NEURL1B: variants seen among roughly 807,000 people sequenced by gnomAD.
NEURL1B encodes the protein neuralized E3 ubiquitin protein ligase 1B, also known as E3 ubiquitin-protein ligase NEURL1B.
Under a neutral mutation model 37.4 loss-of-function variants are expected in NEURL1B, and 13 were observed. That is an observed-to-expected ratio of 0.35 (90% confidence interval 0.23 to 0.55). The LOEUF is 0.55. Ranked by LOEUF, NEURL1B falls within the 20% of genes least tolerant of loss-of-function variation. The probability of loss-of-function intolerance (pLI) is 0.89; values close to 1 mark genes in which losing one functional copy is unlikely to be tolerated. For synonymous variants in NEURL1B, 432 were observed against 426.6 expected, an observed-to-expected ratio of 1.01 and a Z score of -0.16; for missense variants, 790 against 879.2, an observed-to-expected ratio of 0.90 and a Z score of 1.28.
At position 172,683,775 on chromosome 5, in the gene NEURL1B, T is replaced by C. The variant is rs1436650670; in HGVS notation, c.934T>C (p.Phe312Leu). The change falls in exon 3 of 5, where the codon TTC (phenylalanine) becomes CTC (leucine). Residue 312 changes from phenylalanine (F) to leucine (L), a missense_variant. Transcript: ENST00000369800. The surrounding 1 kb of genome is among the most constrained non-coding windows in gnomAD (Gnocchi z 5.6). ...GCCCGACGGCGGCCGCACGCTGGTCTTCTCCGAGCGCCCGCTGCGGCCCGG... is the reference window on the plus strand; with the variant it reads ...GCCCGACGGCGGCCGCACGCTGGTCCTCTCCGAGCGCCCGCTGCGGCCCGG... Reference protein sequence around the residue: ...PRPDGGRTLVFSERPLRPGES... With the variant: ...PRPDGGRTLVLSERPLRPGES... 2.3e-6 allele frequency: 3 copies of C among 1,302,912 alleles called. No individual in the cohort carries two copies. The highest frequency in any genetic ancestry group is 2.9e-6 in the Non-Finnish European group (3 of 1,022,030). The allele number at this position is 1,302,912 out of a possible 1,614,324, so 80.7% of individuals were successfully genotyped here.
chr5:172,667,275 T>TAAAAAAAAAAAAAAAAAAAAAAAAAAAAA (rs55663413), intron 1 of NEURL1B, among the ~76,000 whole-genome samples: 9 of 72,282 alleles, frequency 1.2e-4, no homozygotes, highest in Admixed American at 1.6e-4. Context: ...CTGTCTCTAC[T>TAAAAAAAAAAAAAAAAAAAAAAAAAAAAA]AAAAAAAAAA....
intron 1 of NEURL1B, among the ~76,000 whole-genome samples, chr5:172,664,855 C>G (rs1013824629): frequency 2.0e-5 from 3 of 152,224 alleles, no homozygotes; most frequent in Non-Finnish European, 4.4e-5. Context: ...CTGTTTATCT[C>G]TTATTCCCTG....
rs1171920109 is a variant in NEURL1B, at chr5:172,657,429, A to G, written c.32-12356A>G. 6.6e-6 allele frequency among the ~76,000 whole-genome samples: 1 copy of G among 152,264 alleles called. No individual in the cohort carries two copies. The highest frequency in any genetic ancestry group is 1.9e-4 in the East Asian group (1 of 5,206). On this transcript the variant is annotated intron_variant, in intron 1 of 4. Coordinates refer to ENST00000369800, the MANE Select transcript of NEURL1B (RefSeq NM_001142651.3). This position sits in a 1 kb window ranked among gnomAD's most constrained non-coding sequence, Gnocchi z 4.0. ...TAAGAATAGTCATAATACAAATTAG[A>G]TATAGAGATGATCATGGACAATTAT... is the stretch of plus-strand genomic sequence containing the variant.
intron 1 of NEURL1B, among the ~76,000 whole-genome samples, chr5:172,650,779 G>A (rs1048345010): frequency 4.6e-5 from 7 of 152,236 alleles, no homozygotes; most frequent in Non-Finnish European, 8.8e-5. Flanking sequence ...CCTGACGCAC[G>A]TGACCCCTGC....
At chr5:172,645,644 CT>C (rs1360628487) in intron 1 of NEURL1B, among the ~76,000 whole-genome samples, 5 of 152,218 alleles carry the variant, frequency 3.3e-5, no homozygotes, top group African/African-American at 1.2e-4. Context: ...TTCACGTTCA[CT>C]TGGGCTTTAC....
Position 172,669,770 on chromosome 5 carries a change from T to G in NEURL1B, c.32-15T>G. 1 of 1,251,758 alleles carries G rather than the reference T, an allele frequency of 8.0e-7. No individual in the cohort carries two copies. Among genetic ancestry groups the G allele is most frequent in the Non-Finnish European group, 1.0e-6 (1 of 988,996 alleles). 77.5% of individuals were successfully genotyped at this position (1,251,758 alleles called of 1,614,324 possible). A position where few individuals can be genotyped will look rare whatever the true frequency, so the allele number is the denominator to read the frequency against. ...TCGGAGGAGGCCTAACCGTGCTGCC[T>G]GTGTCTTTCCGCAGACCCGAGCCCA... On this transcript the variant is annotated splice_polypyrimidine_tract_variant and intron_variant, in intron 1 of 4. Transcript: ENST00000369800.
At chr5:172,679,930 C>T (rs1758316683) in intron 2 of NEURL1B, among the ~76,000 whole-genome samples, 1 of 152,160 alleles carries the variant, frequency 6.6e-6, no homozygotes, top group Non-Finnish European at 1.5e-5. Flanking sequence ...CAGAGTTCCC[C>T]CACTGACACT....
At chr5:172,650,947 A>G (rs1000732579) in intron 1 of NEURL1B, among the ~76,000 whole-genome samples, 7 of 152,170 alleles carry the variant, frequency 4.6e-5, no homozygotes, top group African/African-American at 1.7e-4. Flanking sequence ...GCAGGTGATC[A>G]GAATGATGGA....
chr5:172,669,693 A>G (rs1482397586), intron 1 of NEURL1B, 92 bp from the exon 2 acceptor site: 2 of 991,028 alleles, frequency 2.0e-6, no homozygotes, highest in Non-Finnish European at 2.6e-6. Context: ...TTAAAATGGA[A>G]TTTCAAATGA....
chr5:172,684,837 G>A (rs939428933), intron 3 of NEURL1B, among the ~76,000 whole-genome samples: 4 of 152,152 alleles, frequency 2.6e-5, no homozygotes, highest in Non-Finnish European at 5.9e-5. Flanking sequence ...CTACAGCCGG[G>A]GGCTCCTCTC....
Position 172,684,066 on chromosome 5 carries a change from G to A in NEURL1B, c.1225G>A (p.Val409Ile), listed in dbSNP as rs1291435303. Residue 409 changes from valine to isoleucine, a missense_variant, in exon 3 of 5, where the codon GTC becomes ATC. By Grantham distance (29) the Val-to-Ile change is conservative. This residue lies in a region of NEURL1B where 460 missense variants were observed against 407.4 expected (regional missense o/e 1.13). Transcript: ENST00000369800. Reference sequence around the variant, plus strand: ...GCGTCCGCGCGGCCGCCTGCTGTGCGTCGACACCACGCAGGCGCTCTGGGC... The same window carrying A: ...GCGTCCGCGCGGCCGCCTGCTGTGCATCGACACCACGCAGGCGCTCTGGGC... ...NGRPRGRLLC[V>I]DTTQALWAFF... The A allele has an allele frequency of 7.6e-7, 1 of 1,322,990 alleles. No homozygotes were observed. The highest frequency in any genetic ancestry group is 9.7e-7 in the Non-Finnish European group (1 of 1,035,526). 82.0% of individuals were successfully genotyped at this position (1,322,990 alleles called of 1,614,324 possible).
At chr5:172,677,369 C>T (rs928555083) in intron 2 of NEURL1B, among the ~76,000 whole-genome samples, 1 of 152,234 alleles carries the variant, frequency 6.6e-6, no homozygotes, top group South Asian at 2.1e-4. Context: ...TATGCAGGCA[C>T]GGAGCTGGGT....
chr5:172,641,577 A>AG lies in NEURL1B; in HGVS notation c.31+140_31+141insG. 1 of 708,018 alleles carries AG rather than the reference A, an allele frequency of 1.4e-6. No homozygotes were observed. The highest frequency in any genetic ancestry group is 2.0e-6 in the Non-Finnish European group (1 of 511,640). 43.9% of individuals were successfully genotyped at this position (708,018 alleles called of 1,614,324 possible). ...GGCTGGAGTCTCCGGTACCTCCCGG[A>AG]CCTCAGCTCGGCGCGCGCCCCGCGG... On this transcript the variant is annotated intron_variant, in intron 1 of 4. Coordinates refer to ENST00000369800, the MANE Select transcript of NEURL1B (RefSeq NM_001142651.3). The surrounding 1 kb of genome is among the most constrained non-coding windows in gnomAD (Gnocchi z 6.4).
chr5:172,647,099 C>T lies in NEURL1B; in HGVS notation c.31+5662C>T, dbSNP rs1487381831. On this transcript the variant is annotated intron_variant, in intron 1 of 4. Coordinates refer to ENST00000369800, the MANE Select transcript of NEURL1B (RefSeq NM_001142651.3). This position sits in a 1 kb window ranked among gnomAD's most constrained non-coding sequence, Gnocchi z 4.2. ...CCTGGGCTGGACCTCAAGGGCCGCTCAGAACAGGCTGTTTAATCTCCCCCA... is the reference window on the plus strand; with the variant it reads ...CCTGGGCTGGACCTCAAGGGCCGCTTAGAACAGGCTGTTTAATCTCCCCCA... 6.6e-6 allele frequency among the ~76,000 whole-genome samples: 1 copy of T among 152,204 alleles called. No homozygotes were observed. Among genetic ancestry groups the T allele is most frequent in the African/African-American group, 2.4e-5 (1 of 41,436 alleles).
rs566022020 is a variant in NEURL1B at position 172,686,277 on chromosome 5, G to A, written c.1404G>A (p.Ser468=). 96 of 1,551,650 alleles carry A rather than the reference G, an allele frequency of 6.2e-5. No individual in the cohort carries two copies. The highest frequency in any genetic ancestry group is 1.9e-4 in the South Asian group (16 of 84,058). Residue 468 remains serine, a synonymous_variant, in exon 4 of 5, where the codon TCG becomes TCA. Coordinates refer to ENST00000369800, the MANE Select transcript of NEURL1B (RefSeq NM_001142651.3). The surrounding 1 kb of genome is among the most constrained non-coding windows in gnomAD (Gnocchi z 7.9). ...DMTFSVNQSS[S]ASESSLVTAP... ...CCTTCAGTGTCAACCAGTCCTCCTC[G>A]GCATCTGAGTCATCCCTGGGTAAGG... is the stretch of plus-strand genomic sequence containing the variant.
Position 172,683,841 on chromosome 5 carries a change from G to C in NEURL1B, c.1000G>C (p.Ala334Pro). The change falls in exon 3 of 5, where the codon GCG (alanine) becomes CCG (proline). Residue 334 changes from alanine (A) to proline (P), a missense_variant. This residue lies in a region of NEURL1B where 460 missense variants were observed against 407.4 expected (regional missense o/e 1.13). Coordinates refer to ENST00000369800, the MANE Select transcript of NEURL1B (RefSeq NM_001142651.3). The surrounding 1 kb of genome is among the most constrained non-coding windows in gnomAD (Gnocchi z 5.6). ...FVEVGRPGLA[A>P]PGALAFGITS... is the part of the protein sequence containing the mutation. ...GGAGGTGGGCCGTCCGGGGCTGGCG[G>C]CGCCCGGCGCGCTGGCCTTCGGCAT... 7.5e-7 allele frequency: 1 copy of C among 1,327,904 alleles called. No homozygotes were observed. Among genetic ancestry groups the C allele is most frequent in the South Asian group, 1.7e-5 (1 of 58,416 alleles). 82.3% of individuals were successfully genotyped at this position (1,327,904 alleles called of 1,614,324 possible). A position where few individuals can be genotyped will look rare whatever the true frequency, so the allele number is the denominator to read the frequency against.
rs61740401 is a variant in NEURL1B, at chr5:172,686,352, C to T, written c.1423+56C>T. 1.7e-3 allele frequency: 2,627 copies of T among 1,531,976 alleles called. 13 individuals carry two copies. In the African/African-American group the frequency reaches 0.019, roughly 11 times the overall value. The allele number at this position is 1,531,976 out of a possible 1,614,324, so 94.9% of individuals were successfully genotyped here. A position where few individuals can be genotyped will look rare whatever the true frequency, so the allele number is the denominator to read the frequency against. ...GGGCTGGCGGCTGGCCTGGCTCCTC[C>T]GGCTGTGCCAGTGGCCTTCCAGGGA... On this transcript the variant is annotated intron_variant, in intron 4 of 4. Transcript: ENST00000369800. This position sits in a 1 kb window ranked among gnomAD's most constrained non-coding sequence, Gnocchi z 7.9.
chr5:172,659,065 A>T (rs1433324225), intron 1 of NEURL1B, among the ~76,000 whole-genome samples: 2 of 93,968 alleles, frequency 2.1e-5, no homozygotes, highest in East Asian at 7.6e-4. Flanking sequence ...CCTTCCTGAG[A>T]CCAAGCCAGG....
At chr5:172,646,040 G>A (rs1324585820) in intron 1 of NEURL1B, among the ~76,000 whole-genome samples, 1 of 152,218 alleles carries the variant, frequency 6.6e-6, no homozygotes, top group Non-Finnish European at 1.5e-5. Context: ...GCATGCGGGT[G>A]TGTGTGAGAT....
Sources: allele counts gnomAD v4.1 joint callset (sites outside exome capture counted in the v4.1 genomes callset), GRCh38; gene constraint gnomAD v4.1.1; regional missense constraint gnomAD v4.1.1; non-coding constraint Gnocchi (gnomAD v3.1); transcripts MANE v1.5; gene names NCBI Gene and HGNC (gene_info 2026-07-23, HGNC 2026-07-21).